MMP16: variants seen among roughly 807,000 people sequenced by gnomAD.
MMP16 encodes matrix metalloproteinase-16.
A neutral mutation model predicts 67.8 loss-of-function variants in MMP16; 12 were observed. That is an observed-to-expected ratio of 0.18 (90% CI 0.11 to 0.29). The LOEUF (loss-of-function observed/expected upper bound fraction) is 0.29, where lower values mean the gene tolerates loss of function less well. Ranked by LOEUF, MMP16 falls within the 10% of genes least tolerant of loss-of-function variation. The pLI, the probability that MMP16 is intolerant of heterozygous loss-of-function variation, is 1.00. For synonymous variants in MMP16, 249 were observed against 255.9 expected, an observed-to-expected ratio of 0.97 and a Z score of 0.26; for missense variants, 475 against 765.7, an observed-to-expected ratio of 0.62 and a Z score of 4.48.
chr8:88,186,191 G>T, intron 3 of MMP16: 1 of 259,050 alleles, frequency 3.9e-6, no homozygotes, highest in Non-Finnish European at 7.2e-6. Context: ...ATTTGTCAAA[G>T]CATGTAATAT....
intron 6 of MMP16, among the ~76,000 whole-genome samples, chr8:88,085,850 T>C (rs1202469529): frequency 6.6e-6 from 1 of 152,052 alleles, no homozygotes. Flanking sequence ...TATTCACTTT[T>C]ATATTAATTT....
chr8:88,249,832 C>T (rs1189366549), intron 1 of MMP16, among the ~76,000 whole-genome samples: 1 of 151,990 alleles, frequency 6.6e-6, no homozygotes. Flanking sequence ...GGAACTGTGT[C>T]CAACTAGGTG....
intron 4 of MMP16, among the ~76,000 whole-genome samples, chr8:88,148,991 C>T (rs988347080): frequency 1.3e-5 from 2 of 152,150 alleles, no homozygotes; most frequent in African/African-American, 2.4e-5. Flanking sequence ...TGGGCGCAGG[C>T]CAGTGGGTGC....
chr8:88,320,557 C>T (rs916050860), intron 1 of MMP16, among the ~76,000 whole-genome samples: 12 of 152,114 alleles, frequency 7.9e-5, no homozygotes, highest in Admixed American at 2.6e-4. Flanking sequence ...CTTCTTAGTT[C>T]ATCAAATATG....
chr8:88,162,694 C>T (rs926041305), intron 4 of MMP16, among the ~76,000 whole-genome samples: 1 of 151,962 alleles, frequency 6.6e-6, no homozygotes, highest in African/African-American at 2.4e-5. Context: ...GGCAGATTTG[C>T]ACTTTGCTGT....
intron 1 of MMP16, among the ~76,000 whole-genome samples, chr8:88,261,947 G>A (rs1055578629): frequency 1.3e-5 from 2 of 152,098 alleles, no homozygotes; most frequent in Admixed American, 6.6e-5. Context: ...GACTCAGAAA[G>A]TACTCTGGCC....
intron 1 of MMP16, among the ~76,000 whole-genome samples, chr8:88,298,875 C>G (rs1342243080): frequency 1.3e-5 from 2 of 151,986 alleles, no homozygotes; most frequent in Non-Finnish European, 2.9e-5. Context: ...AGTTGAATTT[C>G]AATACCTGGT....
intron 7 of MMP16, among the ~76,000 whole-genome samples, chr8:88,064,591 A>C (rs1311882780): frequency 6.6e-6 from 1 of 152,046 alleles, no homozygotes; most frequent in Non-Finnish European, 1.5e-5. Flanking sequence ...ATACACTCAC[A>C]CTGTAGGTGC....
chr8:88,309,100 A>G (rs1335135016), intron 1 of MMP16, among the ~76,000 whole-genome samples: 1 of 152,092 alleles, frequency 6.6e-6, no homozygotes, highest in Non-Finnish European at 1.5e-5. Context: ...TACTACAATT[A>G]TAAATAAATA....
In MMP16 at chr8:88,037,124, G is replaced by A. The variant is rs1316681802; in HGVS notation, c.*4337C>T. On this transcript the variant is annotated 3_prime_UTR_variant, in exon 10 of 10. Transcript: ENST00000286614. ...GTGGGCGTGTATGTGTACCATACTA[G>A]ATATATTAGCATAACATGTAGAACT... The A allele has an allele frequency of 6.7e-6, 1 of 149,506 alleles. No homozygotes were observed. The highest frequency in any genetic ancestry group is 2.5e-5 in the African/African-American group (1 of 40,648). The allele number at this position is 149,506 out of a possible 1,614,324, so 9.3% of individuals were successfully genotyped here.
At chr8:88,183,490 G>A (rs1190395807) in intron 3 of MMP16, among the ~76,000 whole-genome samples, 1 of 152,080 alleles carries the variant, frequency 6.6e-6, no homozygotes, top group Non-Finnish European at 1.5e-5. Context: ...TATATAATCT[G>A]AGACTAATGA....
chr8:88,108,398 C>G lies in MMP16; in HGVS notation c.1083+8109G>C, dbSNP rs1450022244. Reference sequence around the variant, plus strand: ...TTGCACAATTTAACATTCCTGCTCACCCAGGCATCTTTTCATCTAGGAGGG... The same window carrying G: ...TTGCACAATTTAACATTCCTGCTCAGCCAGGCATCTTTTCATCTAGGAGGG... On this transcript the variant is annotated intron_variant, in intron 6 of 9. Coordinates refer to ENST00000286614, the MANE Select transcript of MMP16 (RefSeq NM_005941.5). Among the ~76,000 whole-genome samples the G allele has an allele frequency of 2.0e-5, 3 of 151,368 alleles. No individual in the cohort carries two copies. The East Asian group carries it at 5.8e-4, about 30-fold the overall frequency.
At chr8:88,108,033 A>G (rs1419584552) in intron 6 of MMP16, among the ~76,000 whole-genome samples, 1 of 151,130 alleles carries the variant, frequency 6.6e-6, no homozygotes, top group African/African-American at 2.4e-5. Context: ...ATGTGGGTGG[A>G]ATATGAAACT....
chr8:88,096,474 C>T (rs1384530433), intron 6 of MMP16, among the ~76,000 whole-genome samples: 1 of 151,778 alleles, frequency 6.6e-6, no homozygotes, highest in Non-Finnish European at 1.5e-5. Context: ...AAGTTGAGGA[C>T]TGTATTTCCT....
intron 1 of MMP16, among the ~76,000 whole-genome samples, chr8:88,201,410 C>A (rs1276625907): frequency 1.3e-5 from 2 of 151,806 alleles, no homozygotes; most frequent in African/African-American, 4.8e-5. Flanking sequence ...TTCCTTGTAC[C>A]CTGTGATTAT....
chr8:88,193,818 T>C (rs995552213), intron 2 of MMP16, among the ~76,000 whole-genome samples: 6 of 151,966 alleles, frequency 3.9e-5, no homozygotes, highest in Non-Finnish European at 8.8e-5. Flanking sequence ...TAAACTAATA[T>C]GAAAAAATTA....
rs1185249130 is a variant in MMP16, at chr8:88,041,292, G to GT, written c.*168dup. On this transcript the variant is annotated 3_prime_UTR_variant, in exon 10 of 10. Transcript: ENST00000286614. This position sits in a 1 kb window ranked among gnomAD's most constrained non-coding sequence, Gnocchi z 6.0. ...GCATCATGGAAGCTTCCCCATGAGTGTATTTCCACTCATGTGCAGGACCAG... is the reference window on the plus strand; with the variant it reads ...GCATCATGGAAGCTTCCCCATGAGTGTTATTTCCACTCATGTGCAGGACCAG... 6.3e-6 allele frequency: 4 copies of GT among 631,220 alleles called. No individual in the cohort carries two copies. Among genetic ancestry groups the GT allele is most frequent in the Non-Finnish European group, 1.1e-5 (4 of 357,480 alleles). The allele number at this position is 631,220 out of a possible 1,614,324, so 39.1% of individuals were successfully genotyped here. A position where few individuals can be genotyped will look rare whatever the true frequency, so the allele number is the denominator to read the frequency against.
At chr8:88,145,937 T>A (rs1249303293) in intron 4 of MMP16, among the ~76,000 whole-genome samples, 8 of 152,062 alleles carry the variant, frequency 5.3e-5, no homozygotes, top group Non-Finnish European at 8.8e-5. Context: ...TATAGGAACA[T>A]CTCTCTTCCT....
chr8:88,182,112 C>G (rs771195285), intron 3 of MMP16, among the ~76,000 whole-genome samples: 1 of 151,982 alleles, frequency 6.6e-6, no homozygotes, highest in Non-Finnish European at 1.5e-5. Context: ...TTTTAACATA[C>G]AACGCCAAAA....
Sources: gnomAD v4.1 joint callset for allele counts (sites outside exome capture counted in the v4.1 genomes callset) on GRCh38, gnomAD v4.1.1 for gene constraint, Gnocchi (gnomAD v3.1) non-coding constraint, MANE v1.5 for transcripts, NCBI Gene and HGNC (gene_info 2026-07-23, HGNC 2026-07-21) for gene names.